The following SNCAIP variants were observed in gnomAD, a reference collection of about 807,000 sequenced individuals.
The protein encoded by SNCAIP is synuclein alpha interacting protein.
Under a neutral mutation model 86.7 loss-of-function variants are expected in SNCAIP, and 43 were observed. That is an observed-to-expected ratio of 0.50 (90% CI 0.39 to 0.64). SNCAIP has a LOEUF of 0.64. Ranked by LOEUF, SNCAIP falls within the 30% of genes least tolerant of loss-of-function variation. The probability of loss-of-function intolerance (pLI) is 0.00; values close to 1 mark genes in which losing one functional copy is unlikely to be tolerated. For missense variants in SNCAIP, 981 were observed against 1,103.1 expected (o/e 0.89, Z 1.57); for synonymous variants, 417 against 427.2 (o/e 0.98, Z 0.29).
intron 8 of SNCAIP, among the ~76,000 whole-genome samples, chr5:122,446,973 G>T (rs534179589): frequency 9.2e-5 from 14 of 152,198 alleles, no homozygotes; most frequent in Admixed American, 5.2e-4. Flanking sequence ...GTTAGATTGT[G>T]ACCTTATTTG....
rs73287540 is a variant in SNCAIP at position 122,412,553 on chromosome 5, C to T, written c.130+8688C>T. Reference sequence around the variant, plus strand: ...TCTTCCTTTGCAACTCCTCCTCCTTCCCAATTTGACCTTTCAATAGTCAAA... The same window carrying T: ...TCTTCCTTTGCAACTCCTCCTCCTTTCCAATTTGACCTTTCAATAGTCAAA... On this transcript the variant is annotated intron_variant, in intron 3 of 10. Coordinates refer to ENST00000261368, the MANE Select transcript of SNCAIP (RefSeq NM_005460.4). 1.4e-3 allele frequency among the ~76,000 whole-genome samples: 220 copies of T among 152,266 alleles called. 1 individual carries two copies. Among genetic ancestry groups the T allele is most frequent in the African/African-American group, 5.0e-3 (208 of 41,548 alleles).
chr5:122,333,644 C>G (rs980860084), intron 1 of SNCAIP, among the ~76,000 whole-genome samples: 1 of 152,214 alleles, frequency 6.6e-6, no homozygotes, highest in Non-Finnish European at 1.5e-5. Context: ...TAATTTGAAA[C>G]TACATCTTAT....
chr5:122,381,620 C>G (rs922653829), intron 1 of SNCAIP, among the ~76,000 whole-genome samples: 41 of 149,114 alleles, frequency 2.7e-4, no homozygotes, highest in African/African-American at 9.9e-4. Flanking sequence ...TTAGTTGATG[C>G]AGTTTCTTCC....
At chr5:122,368,214 G>A (rs1200771341) in intron 1 of SNCAIP, among the ~76,000 whole-genome samples, 1 of 152,066 alleles carries the variant, frequency 6.6e-6, no homozygotes, top group Non-Finnish European at 1.5e-5. Context: ...TCCTCCTTTG[G>A]ATACCCTAGT....
chr5:122,418,240 T>C (rs1775692101), intron 3 of SNCAIP, among the ~76,000 whole-genome samples: 2 of 152,230 alleles, frequency 1.3e-5, no homozygotes, highest in Non-Finnish European at 2.9e-5. Context: ...ATACAAGAGC[T>C]GCTACATACC....
rs1478044448 is a variant in SNCAIP, at chr5:122,385,670, CGTAT to C, written c.-46-5416_-46-5413del. ...AATTTGGCAGGCATGCGTGTGCGCA[CGTAT>C]GTGTGTGTGTGTGTGTGTGTGTGTG... On this transcript the variant is annotated intron_variant, in intron 1 of 10. Transcript: ENST00000261368. Among the ~76,000 whole-genome samples, 284 of 144,668 alleles carry C rather than the reference CGTAT, an allele frequency of 2.0e-3. 1 individual carries two copies. Among genetic ancestry groups the C allele is most frequent in the African/African-American group, 6.7e-3 (261 of 38,668 alleles). 94.9% of individuals were successfully genotyped at this position (144,668 alleles called of 152,430 possible).
chr5:122,355,625 C>G (rs946470882), intron 1 of SNCAIP, among the ~76,000 whole-genome samples: 3 of 152,144 alleles, frequency 2.0e-5, no homozygotes, highest in Non-Finnish European at 4.4e-5. Context: ...TTCTTTAACA[C>G]CAGAAAAGTA....
At chr5:122,317,830 T>G (rs1752089421) in intron 1 of SNCAIP, among the ~76,000 whole-genome samples, 1 of 152,122 alleles carries the variant, frequency 6.6e-6, no homozygotes, top group South Asian at 2.1e-4. Context: ...ATGATCTCGA[T>G]CTGACCTTCT....
intron 3 of SNCAIP, among the ~76,000 whole-genome samples, chr5:122,406,571 T>A (rs182918881): frequency 3.5e-4 from 53 of 152,262 alleles, no homozygotes; most frequent in Admixed American, 2.4e-3. Flanking sequence ...CATGAATGGT[T>A]TAGCGCCATC....
intron 1 of SNCAIP, among the ~76,000 whole-genome samples, chr5:122,317,319 C>G (rs979011536): frequency 4.6e-5 from 7 of 152,178 alleles, no homozygotes; most frequent in African/African-American, 1.7e-4. Flanking sequence ...CATATACTGG[C>G]TACTGTAAAG....
intron 1 of SNCAIP, among the ~76,000 whole-genome samples, chr5:122,355,661 A>G (rs1303096768): frequency 2.0e-5 from 3 of 152,194 alleles, no homozygotes; most frequent in Non-Finnish European, 2.9e-5. Context: ...TCCTGATACC[A>G]TGGAATCTCC....
intron 2 of SNCAIP, among the ~76,000 whole-genome samples, chr5:122,392,907 C>G (rs954495767): frequency 2.6e-5 from 4 of 152,056 alleles, no homozygotes; most frequent in African/African-American, 9.7e-5. Flanking sequence ...AGGGAAAACA[C>G]TAGGCATAAA....
intron 2 of SNCAIP, among the ~76,000 whole-genome samples, chr5:122,394,175 C>G (rs1770085158): frequency 6.6e-6 from 1 of 151,948 alleles, no homozygotes; most frequent in Non-Finnish European, 1.5e-5. Context: ...GAGGAAACTG[C>G]ACATTACACC....
At chr5:122,424,323 G>A (rs1482827666) in intron 4 of SNCAIP, among the ~76,000 whole-genome samples, 1 of 152,336 alleles carries the variant, frequency 6.6e-6, no homozygotes, top group South Asian at 2.1e-4. Flanking sequence ...TAGACACAGA[G>A]TAACATGATG....
chr5:122,360,840 C>A (rs1580679802), intron 1 of SNCAIP, among the ~76,000 whole-genome samples: 1 of 151,922 alleles, frequency 6.6e-6, no homozygotes, highest in Non-Finnish European at 1.5e-5. Flanking sequence ...TCTAGGTATA[C>A]TCCATAAGAA....
At chr5:122,445,718 TCAAAAAAAAA>T (rs1194838932) in intron 8 of SNCAIP, among the ~76,000 whole-genome samples, 1 of 134,956 alleles carries the variant, frequency 7.4e-6, no homozygotes, top group Non-Finnish European at 1.6e-5. Flanking sequence ...TAAAGTATAA[TCAAAAAAAAA>T]AAAAGAAAAA....
At chr5:122,363,346 GT>G (rs1762554724) in intron 1 of SNCAIP, among the ~76,000 whole-genome samples, 1 of 152,160 alleles carries the variant, frequency 6.6e-6, no homozygotes, top group South Asian at 2.1e-4. Context: ...AGTAATTCCA[GT>G]GGTCACATAT....
intron 2 of SNCAIP, chr5:122,401,182 A>T: frequency 6.7e-7 from 1 of 1,497,548 alleles, no homozygotes; most frequent in Non-Finnish European, 9.0e-7. Flanking sequence ...GTGAACTGGG[A>T]TGAAGGCCTG....
intron 3 of SNCAIP, among the ~76,000 whole-genome samples, chr5:122,420,539 C>T (rs758029735): frequency 1.1e-4 from 17 of 151,674 alleles, no homozygotes; most frequent in Non-Finnish European, 1.9e-4. Flanking sequence ...ACTAAATATA[C>T]TCAGTAATAA....
Sources: allele counts gnomAD v4.1 joint callset (sites outside exome capture counted in the v4.1 genomes callset), GRCh38; gene constraint gnomAD v4.1.1; transcripts MANE v1.5; gene names NCBI Gene and HGNC (gene_info 2026-07-23, HGNC 2026-07-21).